The following PIP5K1A variants were observed in gnomAD, a reference collection of about 807,000 sequenced individuals.
PIP5K1A encodes the protein phosphatidylinositol-4-phosphate 5-kinase type 1 alpha.
PIP5K1A carries 46 observed loss-of-function variants against 72.9 expected under a neutral mutation model. The observed-to-expected ratio is 0.63, with a 90% CI of 0.50 to 0.81. The LOEUF (loss-of-function observed/expected upper bound fraction) is 0.81, where lower values mean the gene tolerates loss of function less well. Ranked by LOEUF, PIP5K1A falls within the 30% of genes least tolerant of loss-of-function variation. The pLI is 0.00. For synonymous variants in PIP5K1A, 228 were observed against 255.1 expected (o/e 0.89, Z 1.01); for missense variants, 458 against 706.1 (o/e 0.65, Z 3.98).
At chr1:151,206,617 G>A (rs1685969026) in intron 1 of PIP5K1A, among the ~76,000 whole-genome samples, 1 of 152,148 alleles carries the variant, frequency 6.6e-6, no homozygotes, top group African/African-American at 2.4e-5. Flanking sequence ...CCAGGCTGGA[G>A]TGCAGTGGTG....
In PIP5K1A at chr1:151,231,881, G is replaced by A. The variant is rs181587868; in HGVS notation, c.368+80G>A. 3.8e-3 allele frequency: 5,145 copies of A among 1,350,168 alleles called. 18 individuals carry two copies. Among genetic ancestry groups the A allele is most frequent in the Non-Finnish European group, 4.8e-3 (4,562 of 945,622 alleles). The allele number at this position is 1,350,168 out of a possible 1,614,324, so 83.6% of individuals were successfully genotyped here. A position where few individuals can be genotyped will look rare whatever the true frequency, so the allele number is the denominator to read the frequency against. Reference sequence around the variant, plus strand: ...GCCCAGGGCAGTTTTAGGGGTTCAGGTCGGACAATTTAGACATGTGTCCAT... The same window carrying A: ...GCCCAGGGCAGTTTTAGGGGTTCAGATCGGACAATTTAGACATGTGTCCAT... On this transcript the variant is annotated intron_variant, in intron 5 of 15. Transcript: ENST00000368888.
chr1:151,223,315 A>ACTCCAGCCT (rs1688654139), intron 1 of PIP5K1A, among the ~76,000 whole-genome samples: 1 of 134,826 alleles, frequency 7.4e-6, no homozygotes, highest in Non-Finnish European at 1.5e-5. Flanking sequence ...GCGCTGTTGC[A>ACTCCAGCCT]CTCCAGCCTC....
upstream of PIP5K1A, among the ~76,000 whole-genome samples, chr1:151,197,439 C>G (rs927556647): frequency 6.6e-6 from 1 of 152,000 alleles, no homozygotes; most frequent in Non-Finnish European, 1.5e-5. Flanking sequence ...GCCACCACGC[C>G]CGGCTAATTT....
intron 1 of PIP5K1A, among the ~76,000 whole-genome samples, chr1:151,209,336 C>T (rs758017549): frequency 4.0e-5 from 6 of 150,714 alleles, no homozygotes; most frequent in African/African-American, 1.2e-4. Context: ...TGCAGTGGCA[C>T]GATGCCATCT....
chr1:151,212,378 T>C (rs969890530), intron 1 of PIP5K1A, among the ~76,000 whole-genome samples: 1 of 152,190 alleles, frequency 6.6e-6, no homozygotes, highest in East Asian at 1.9e-4. Context: ...AATATTAGTC[T>C]CCAGTGGCTG....
intron 2 of PIP5K1A, 28 bp downstream of exon 2, chr1:151,224,307 C>CTA: frequency 6.2e-7 from 1 of 1,610,744 alleles, no homozygotes; most frequent in African/African-American, 1.3e-5. Context: ...ACAATGGTTA[C>CTA]TAAAACCTTA....
chr1:151,232,286 A>G lies in PIP5K1A; in HGVS notation c.407A>G (p.Asp136Gly), dbSNP rs1480323915. Residue 136 changes from aspartate to glycine, a missense_variant, in exon 6 of 16, where the codon GAC (aspartate) becomes GGC (glycine). Coordinates refer to ENST00000368888, the MANE Select transcript of PIP5K1A (RefSeq NM_001135638.2). ...SNLTPAHHYN[D>G]FRFKTYAPVA... Reference sequence around the variant, plus strand: ...CTGACCCCTGCTCATCACTACAATGACTTTCGTTTCAAGACCTATGCACCT... The same window carrying G: ...CTGACCCCTGCTCATCACTACAATGGCTTTCGTTTCAAGACCTATGCACCT... 6.2e-7 allele frequency: 1 copy of G among 1,613,906 alleles called. No individual in the cohort carries two copies. The highest frequency in any genetic ancestry group is 8.5e-7 in the Non-Finnish European group (1 of 1,179,950).
In PIP5K1A at chr1:151,198,873, G is replaced by T; in HGVS notation, c.-124G>T. 2 of 907,878 alleles carry T rather than the reference G, an allele frequency of 2.2e-6. No individual in the cohort carries two copies. The highest frequency in any genetic ancestry group is 3.5e-6 in the Non-Finnish European group (2 of 570,664). The allele number at this position is 907,878 out of a possible 1,614,324, so 56.2% of individuals were successfully genotyped here. On this transcript the variant is annotated 5_prime_UTR_variant, in exon 1 of 16. Coordinates refer to ENST00000368888, the MANE Select transcript of PIP5K1A (RefSeq NM_001135638.2). ...GACGTGTCTGAGGGAGGCCCCGGAG[G>T]GGGCGGGGAGGTGGCCCACAGAACG...
intron 1 of PIP5K1A, among the ~76,000 whole-genome samples, chr1:151,207,558 G>GTTTTTT: frequency 6.9e-6 from 1 of 145,416 alleles, no homozygotes; most frequent in Non-Finnish European, 1.5e-5. Context: ...TTGAGATGGA[G>GTTTTTT]TCTCGCTCTG....
At chr1:151,196,411 C>G (rs1053380697), upstream of PIP5K1A, among the ~76,000 whole-genome samples, 3 of 152,090 alleles carry the variant, frequency 2.0e-5, no homozygotes, top group African/African-American at 7.2e-5. Context: ...CAAAATTCCA[C>G]TGCTGTGGAA....
intron 14 of PIP5K1A, among the ~76,000 whole-genome samples, chr1:151,245,789 G>A (rs1692418988): frequency 6.6e-6 from 1 of 152,086 alleles, no homozygotes; most frequent in African/African-American, 2.4e-5. Context: ...GCCTGCCTCA[G>A]GCTCCCAAAG....
At chr1:151,200,648 C>T (rs1685089237) in intron 1 of PIP5K1A, among the ~76,000 whole-genome samples, 1 of 152,070 alleles carries the variant, frequency 6.6e-6, no homozygotes. Flanking sequence ...AATATCTAGT[C>T]ACACATATCT....
At chr1:151,223,669 C>T (rs1428452785) in intron 1 of PIP5K1A, among the ~76,000 whole-genome samples, 12 of 141,106 alleles carry the variant, frequency 8.5e-5, no homozygotes, top group South Asian at 2.2e-4. Flanking sequence ...AGCGACAGAG[C>T]GAGACTCCAT....
chr1:151,218,796 G>A (rs1243477697), intron 1 of PIP5K1A, among the ~76,000 whole-genome samples: 2 of 130,880 alleles, frequency 1.5e-5, no homozygotes, highest in Non-Finnish European at 3.1e-5. Context: ...TCACACTACT[G>A]CACTCCAGCC....
At chr1:151,238,657 A>G in intron 10 of PIP5K1A, 1 of 262,096 alleles carries the variant, frequency 3.8e-6, no homozygotes, top group Non-Finnish European at 7.4e-6. Flanking sequence ...TGTTCTGTAA[A>G]ATGTATTAGA....
chr1:151,228,770 C>G (rs1210058116), intron 4 of PIP5K1A, among the ~76,000 whole-genome samples: 3 of 152,104 alleles, frequency 2.0e-5, no homozygotes, highest in Non-Finnish European at 2.9e-5. Flanking sequence ...TGTGTTCATT[C>G]TCTATTTCAT....
intron 1 of PIP5K1A, among the ~76,000 whole-genome samples, chr1:151,219,886 T>TCC (rs1688172121): frequency 7.2e-6 from 1 of 139,428 alleles, no homozygotes. Flanking sequence ...AGATGGGGTC[T>TCC]CCCTATGTTG....
intron 11 of PIP5K1A, 86 bp downstream of exon 11, chr1:151,239,264 T>C (rs1403490601): frequency 2.4e-6 from 2 of 825,362 alleles, no homozygotes; most frequent in East Asian, 5.3e-5. Context: ...AATTTTTTCT[T>C]TTTTCTTTTT....
intron 12 of PIP5K1A, among the ~76,000 whole-genome samples, chr1:151,241,880 TG>T (rs950490155): frequency 1.3e-5 from 2 of 151,988 alleles, no homozygotes; most frequent in African/African-American, 4.8e-5. Flanking sequence ...GGCTCCATGT[TG>T]GGGGGTTAGG....
Sources: allele counts gnomAD v4.1 joint callset (sites outside exome capture counted in the v4.1 genomes callset), GRCh38; gene constraint gnomAD v4.1.1; transcripts MANE v1.5; gene names NCBI Gene and HGNC (gene_info 2026-07-23, HGNC 2026-07-21).